Variants in SYT9 observed in about 807,000 individuals in gnomAD.
The protein encoded by SYT9 is synaptotagmin 9, also known as synaptotagmin-9.
In SYT9, 22 loss-of-function variants were observed where a neutral mutation model predicts 48.4. The observed-to-expected ratio is 0.45, with a 90% confidence interval of 0.32 to 0.65. The LOEUF is 0.65. Among genes scored for constraint, SYT9 ranks in the 30% least tolerant of loss-of-function variants. The pLI is 0.03. For missense variants in SYT9, 577 were observed against 622.0 expected (o/e 0.93, Z 0.77); for synonymous variants, 265 against 245.0 (o/e 1.08, Z -0.76).
At chr11:7,281,958 C>T (rs561416591) in intron 1 of SYT9, among the ~76,000 whole-genome samples, 1 of 152,292 alleles carries the variant, frequency 6.6e-6, no homozygotes, top group East Asian at 1.9e-4. Context: ...TCTGTACTGA[C>T]CTTTGTAATT....
Position 7,252,215 on chromosome 11 carries a change from AC to A in SYT9, c.31del (p.Gln11ArgfsTer42). 6.7e-7 allele frequency: 1 copy of A among 1,486,638 alleles called. No individual in the cohort carries two copies. Among genetic ancestry groups the A allele is most frequent in the South Asian group, 1.3e-5 (1 of 77,352 alleles). The allele number at this position is 1,486,638 out of a possible 1,614,324, so 92.1% of individuals were successfully genotyped here. A position where few individuals can be genotyped will look rare whatever the true frequency, so the allele number is the denominator to read the frequency against. ...CCCGGGGCCAGGGACGCGCTCTGTC[AC>A]CAGGCGCTGCAGCTGCTGGCCGAGC... MPGARDALC[H>X]QALQLLAELC... On this transcript the variant is annotated frameshift_variant, in exon 1 of 7. Transcript: ENST00000318881. LOFTEE classifies it high-confidence loss of function. This position sits in a 1 kb window ranked among gnomAD's most constrained non-coding sequence, Gnocchi z 6.3.
intron 6 of SYT9, among the ~76,000 whole-genome samples, chr11:7,460,284 C>T (rs942491945): frequency 5.3e-5 from 8 of 152,070 alleles, no homozygotes; most frequent in Admixed American, 4.6e-4. Context: ...ATTAAATTTT[C>T]CTAAACTTTT....
At position 7,344,553 on chromosome 11, in the gene SYT9, A is replaced by G. The variant is rs867429803; in HGVS notation, c.1044+30612A>G. On this transcript the variant is annotated intron_variant, in intron 3 of 6. Coordinates refer to ENST00000318881, the MANE Select transcript of SYT9 (RefSeq NM_175733.4). ...TTTAGCTCTTGCATTTATAACTACA[A>G]TCCATTTTGAGTTAATTTTTATGTA... is the stretch of plus-strand genomic sequence containing the variant. Among the ~76,000 whole-genome samples, 66 of 152,126 alleles carry G rather than the reference A, an allele frequency of 4.3e-4. 1 individual carries two copies. The highest frequency in any genetic ancestry group is 2.1e-4 in the South Asian group (1 of 4,824).
upstream of SYT9, among the ~76,000 whole-genome samples, chr11:7,247,524 CATAT>C (rs1564834774): frequency 1.1e-4 from 16 of 145,720 alleles, no homozygotes; most frequent in African/African-American, 4.1e-4. Context: ...TATATACACA[CATAT>C]ATACATATAT....
At chr11:7,384,228 C>G (rs1490897860) in intron 3 of SYT9, among the ~76,000 whole-genome samples, 1 of 152,064 alleles carries the variant, frequency 6.6e-6, no homozygotes, top group African/African-American at 2.4e-5. Flanking sequence ...TGGTTACATT[C>G]TTTTTTCCTC....
At chr11:7,245,985 T>C (rs11041280) in intron 1 of SYT9, among the ~76,000 whole-genome samples, 6,142 of 152,282 alleles carry the variant, frequency 0.04, 174 homozygotes, top group East Asian at 0.12. Flanking sequence ...TGAACCTTAC[T>C]TTGGGAAACA....
At chr11:7,311,437 GCA>G (rs1253505378) in intron 2 of SYT9, among the ~76,000 whole-genome samples, 1 of 152,220 alleles carries the variant, frequency 6.6e-6, no homozygotes, top group African/African-American at 2.4e-5. Context: ...AAATTGTAAT[GCA>G]CAGTCTGCCC....
chr11:7,419,644 C>A (rs574022027), intron 5 of SYT9, among the ~76,000 whole-genome samples: 3 of 152,128 alleles, frequency 2.0e-5, no homozygotes, highest in Admixed American at 2.0e-4. Context: ...CACCTGTAAT[C>A]CCAGCACTTT....
At position 7,301,948 on chromosome 11, in the gene SYT9, T is replaced by TAGTC. The variant is rs1382218722; in HGVS notation, c.146-1090_146-1089insGTCA. On this transcript the variant is annotated intron_variant, in intron 1 of 6. Coordinates refer to ENST00000318881, the MANE Select transcript of SYT9 (RefSeq NM_175733.4). ...GAACCTTAGGGGCATAGTCACTGGATACTGAACTGCCAAGACTTGCTGATG... is the reference window on the plus strand; with the variant it reads ...GAACCTTAGGGGCATAGTCACTGGATAGTCACTGAACTGCCAAGACTTGCTGATG... Among the ~76,000 whole-genome samples the TAGTC allele has an allele frequency of 3.9e-5, 6 of 152,342 alleles. No homozygotes were observed. In the East Asian group the frequency reaches 9.6e-4, roughly 24 times the overall value.
chr11:7,267,490 T>A (rs891958261), intron 1 of SYT9, among the ~76,000 whole-genome samples: 1 of 151,906 alleles, frequency 6.6e-6, no homozygotes, highest in African/African-American at 2.4e-5. Context: ...CACTTAAAAA[T>A]TGAACTCTTT....
chr11:7,444,786 A>C (rs1847898109), intron 6 of SYT9, among the ~76,000 whole-genome samples: 1 of 152,030 alleles, frequency 6.6e-6, no homozygotes. Context: ...TTTGCCTTTG[A>C]TCTCCCATGG....
At chr11:7,266,431 G>A (rs1193721205) in intron 1 of SYT9, among the ~76,000 whole-genome samples, 6 of 151,964 alleles carry the variant, frequency 3.9e-5, no homozygotes, top group Non-Finnish European at 7.4e-5. Flanking sequence ...CCTTTGGTAG[G>A]AACATTCATT....
chr11:7,407,397 G>A lies in SYT9; in HGVS notation c.1045-8645G>A, dbSNP rs1381397518. ...TTTTTTTTTTTTTTTTTTTTGAGACGGAGTCTCGCTCTGTCGCCCAGGCCG... is the reference window on the plus strand; with the variant it reads ...TTTTTTTTTTTTTTTTTTTTGAGACAGAGTCTCGCTCTGTCGCCCAGGCCG... On this transcript the variant is annotated intron_variant, in intron 3 of 6. Transcript: ENST00000318881. Among the ~76,000 whole-genome samples, 4 of 35,744 alleles carry A rather than the reference G, an allele frequency of 1.1e-4. 1 individual carries two copies. The highest frequency in any genetic ancestry group is 8.5e-4 in the East Asian group (2 of 2,362). 23.4% of individuals were successfully genotyped at this position (35,744 alleles called of 152,430 possible). A position where few individuals can be genotyped will look rare whatever the true frequency, so the allele number is the denominator to read the frequency against.
intron 2 of SYT9, among the ~76,000 whole-genome samples, chr11:7,308,899 C>T (rs1390097735): frequency 1.3e-5 from 2 of 152,150 alleles, no homozygotes; most frequent in African/African-American, 4.8e-5. Flanking sequence ...TAACCTAGAG[C>T]TGGGACTAGT....
chr11:7,421,216 T>C, intron 6 of SYT9, among the ~76,000 whole-genome samples: 1 of 152,232 alleles, frequency 6.6e-6, no homozygotes, highest in East Asian at 1.9e-4. Context: ...ACAAGAGACC[T>C]AGACTTCTGT....
intron 3 of SYT9, among the ~76,000 whole-genome samples, chr11:7,351,057 C>T (rs749136066): frequency 3.3e-5 from 5 of 151,982 alleles, no homozygotes; most frequent in African/African-American, 1.2e-4. Context: ...TCAAAGCGGC[C>T]AGCTAATAAA....
rs1848457358 is a variant in SYT9, at chr11:7,279,604, C to T, written c.146-23435C>T. On this transcript the variant is annotated intron_variant, in intron 1 of 6. Transcript: ENST00000318881. ...TACTTTGGGGTATTTATTTAAAATG[C>T]CCCATCCAGAATCATGATCTCTGGA... Among the ~76,000 whole-genome samples, 3 of 152,128 alleles carry T rather than the reference C, an allele frequency of 2.0e-5. No individual in the cohort carries two copies. In the South Asian group the frequency reaches 6.2e-4, roughly 32 times the overall value.
intron 2 of SYT9, 67 bp from the exon 3 acceptor site, chr11:7,313,328 C>A: frequency 6.7e-7 from 1 of 1,500,216 alleles, no homozygotes; most frequent in African/African-American, 1.4e-5. Context: ...ACATCCCAGG[C>A]AAAAGTTTCT....
chr11:7,431,476 T>C (rs931714228), intron 6 of SYT9, among the ~76,000 whole-genome samples: 2 of 152,230 alleles, frequency 1.3e-5, no homozygotes, highest in African/African-American at 4.8e-5. Flanking sequence ...AGACAGAAAT[T>C]CAAGCAAGCT....
Sources: gnomAD v4.1 joint callset for allele counts (sites outside exome capture counted in the v4.1 genomes callset) on GRCh38, gnomAD v4.1.1 for gene constraint, Gnocchi (gnomAD v3.1) non-coding constraint, MANE v1.5 for transcripts, NCBI Gene and HGNC (gene_info 2026-07-23, HGNC 2026-07-21) for gene names.